Variants in GPBP1 observed in about 807,000 individuals in gnomAD.
GPBP1 encodes GC-rich promoter binding protein 1.
A neutral mutation model predicts 56.5 loss-of-function variants in GPBP1; 13 were observed. That is an observed-to-expected ratio of 0.23 (90% CI 0.15 to 0.37). The LOEUF is 0.37. GPBP1 is among the 10% of genes least tolerant of loss of function. The probability of loss-of-function intolerance (pLI) is 1.00; values close to 1 mark genes in which losing one functional copy is unlikely to be tolerated. For synonymous variants in GPBP1, 204 were observed against 188.9 expected (o/e 1.08, Z -0.66); for missense variants, 477 against 572.3 (o/e 0.83, Z 1.70).
intron 2 of GPBP1, among the ~76,000 whole-genome samples, chr5:57,181,477 A>G (rs1161361684): frequency 6.6e-6 from 1 of 152,024 alleles, no homozygotes; most frequent in African/African-American, 2.4e-5. Flanking sequence ...ATACTATTTA[A>G]AAAAGGGGTG....
chr5:57,180,300 G>GCTAC (rs985079119), intron 2 of GPBP1, among the ~76,000 whole-genome samples: 4 of 152,072 alleles, frequency 2.6e-5, no homozygotes, highest in African/African-American at 9.7e-5. Context: ...ATTTTTTGTA[G>GCTAC]AGATGGGGTT....
At chr5:57,203,083 C>T (rs1755086347) in intron 2 of GPBP1, among the ~76,000 whole-genome samples, 1 of 151,984 alleles carries the variant, frequency 6.6e-6, no homozygotes, top group Non-Finnish European at 1.5e-5. Context: ...TAAGTAAGTT[C>T]GTTGTAAGTT....
At chr5:57,180,942 A>G (rs1426713966) in intron 2 of GPBP1, among the ~76,000 whole-genome samples, 1 of 152,210 alleles carries the variant, frequency 6.6e-6, no homozygotes. Context: ...GGGTTTCCCC[A>G]TGTTGGTCAG....
intron 2 of GPBP1, among the ~76,000 whole-genome samples, chr5:57,199,186 C>T (rs1579994840): frequency 6.6e-6 from 1 of 152,122 alleles, no homozygotes; most frequent in African/African-American, 2.4e-5. Flanking sequence ...AATAGTTGTA[C>T]GTAATCATAC....
chr5:57,178,626 G>C (rs1753903306), intron 2 of GPBP1, among the ~76,000 whole-genome samples: 1 of 152,174 alleles, frequency 6.6e-6, no homozygotes, highest in African/African-American at 2.4e-5. Flanking sequence ...AGAGATCAGA[G>C]TTTTTAGCAA....
chr5:57,234,718 G>A (rs533773209), intron 5 of GPBP1, among the ~76,000 whole-genome samples: 10 of 152,306 alleles, frequency 6.6e-5, no homozygotes, highest in Non-Finnish European at 1.5e-4. Context: ...GATTTGATGT[G>A]CAATCACTGG....
chr5:57,228,958 A>G (rs1390100078), intron 3 of GPBP1, among the ~76,000 whole-genome samples: 2 of 152,064 alleles, frequency 1.3e-5, no homozygotes, highest in African/African-American at 4.8e-5. Context: ...GGCTGAGTGC[A>G]GTGGCTCACT....
chr5:57,237,064 G>A (rs367572168), intron 6 of GPBP1: 7 of 1,283,084 alleles, frequency 5.5e-6, no homozygotes, highest in South Asian at 5.1e-5. Flanking sequence ...CATGTGAATG[G>A]CATTGTTTTT....
At chr5:57,176,694 T>G (rs1753801275) in intron 2 of GPBP1, among the ~76,000 whole-genome samples, 1 of 152,216 alleles carries the variant, frequency 6.6e-6, no homozygotes, top group Non-Finnish European at 1.5e-5. Context: ...GCCTTAGGCT[T>G]TGAAGATTCA....
intron 3 of GPBP1, among the ~76,000 whole-genome samples, chr5:57,216,689 A>G (rs1755712337): frequency 6.6e-6 from 1 of 152,176 alleles, no homozygotes; most frequent in South Asian, 2.1e-4. Flanking sequence ...CTGTCTCAAA[A>G]ACAAAACAAA....
At chr5:57,227,406 C>T (rs553665935) in intron 3 of GPBP1, among the ~76,000 whole-genome samples, 2 of 152,112 alleles carry the variant, frequency 1.3e-5, no homozygotes, top group East Asian at 3.9e-4. Context: ...ATTGACCAGG[C>T]TAGTCTCAAG....
chr5:57,214,197 C>T lies in GPBP1; in HGVS notation c.63+4C>T, dbSNP rs1755608968. The T allele has an allele frequency of 6.2e-7, 1 of 1,606,550 alleles. No homozygotes were observed. Among genetic ancestry groups the T allele is most frequent in the Non-Finnish European group, 8.5e-7 (1 of 1,173,088 alleles). On this transcript the variant is annotated splice_donor_region_variant and intron_variant, in intron 3 of 11. Coordinates refer to ENST00000506184, the MANE Select transcript of GPBP1 (RefSeq NM_022913.4). The stretch of plus-strand genomic sequence containing the variant: ...TACTCCACCATCATCAACAAAGGTA[C>T]TCTTTCTGCATCTTTCTTTCTGTCT...
intron 10 of GPBP1, among the ~76,000 whole-genome samples, chr5:57,252,733 A>G (rs1443757846): frequency 1.5e-5 from 2 of 135,382 alleles, no homozygotes; most frequent in African/African-American, 2.8e-5. Context: ...TTTTTTTTTG[A>G]CAGGTCTTGC....
Position 57,188,831 on chromosome 5 carries a change from C to T in GPBP1, c.-58+12431C>T, listed in dbSNP as rs892352814. On this transcript the variant is annotated intron_variant, in intron 2 of 11. Coordinates refer to ENST00000506184, the MANE Select transcript of GPBP1 (RefSeq NM_022913.4). ...ATCTCAGTATGGCTCCACCAGCTACCTATTTATTCAGGCTAAAACACGTGG... is the reference window on the plus strand; with the variant it reads ...ATCTCAGTATGGCTCCACCAGCTACTTATTTATTCAGGCTAAAACACGTGG... Among the ~76,000 whole-genome samples the T allele has an allele frequency of 5.3e-5, 8 of 152,292 alleles. No homozygotes were observed. The South Asian group carries it at 1.7e-3, about 32-fold the overall frequency.
At chr5:57,248,012 G>A (rs1414348277) in intron 8 of GPBP1, among the ~76,000 whole-genome samples, 2 of 152,136 alleles carry the variant, frequency 1.3e-5, no homozygotes, top group African/African-American at 4.8e-5. Context: ...CAGTTCCTGG[G>A]ATTACAGGCA....
intron 2 of GPBP1, among the ~76,000 whole-genome samples, chr5:57,176,748 A>T (rs1289896625): frequency 6.6e-6 from 1 of 152,094 alleles, no homozygotes; most frequent in African/African-American, 2.4e-5. Flanking sequence ...CAAATAATTC[A>T]CCACGTGTCT....
chr5:57,175,132 A>G (rs1006799383), intron 1 of GPBP1, among the ~76,000 whole-genome samples: 5 of 152,160 alleles, frequency 3.3e-5, no homozygotes, highest in African/African-American at 1.2e-4. Context: ...CATAGTTTTA[A>G]AATTTATTCA....
intron 6 of GPBP1, among the ~76,000 whole-genome samples, chr5:57,238,917 G>A (rs1740674676): frequency 6.6e-6 from 1 of 152,122 alleles, no homozygotes; most frequent in African/African-American, 2.4e-5. Flanking sequence ...TAATATAAAT[G>A]GATTGTTTTC....
At chr5:57,215,116 G>GT (rs1228434080) in intron 3 of GPBP1, among the ~76,000 whole-genome samples, 2 of 152,096 alleles carry the variant, frequency 1.3e-5, no homozygotes, top group Admixed American at 1.3e-4. Flanking sequence ...TTTCTATACT[G>GT]TTTTTTACTC....
Sources: allele counts gnomAD v4.1 joint callset (sites outside exome capture counted in the v4.1 genomes callset), GRCh38; gene constraint gnomAD v4.1.1; transcripts MANE v1.5; gene names NCBI Gene and HGNC (gene_info 2026-07-23, HGNC 2026-07-21).